NCKAP5: variants seen among roughly 807,000 people sequenced by gnomAD.
NCKAP5 encodes NCK associated protein 5, also known as nck-associated protein 5.
NCKAP5 carries 92 observed loss-of-function variants against 167.0 expected under a neutral mutation model. The observed-to-expected ratio is 0.55, with a 90% confidence interval of 0.47 to 0.66. The LOEUF (loss-of-function observed/expected upper bound fraction) is 0.66. Among genes scored for constraint, NCKAP5 ranks in the 30% least tolerant of loss-of-function variants. The pLI, the probability that NCKAP5 is intolerant of heterozygous loss-of-function variation, is 0.00. For synonymous variants in NCKAP5, 891 were observed against 877.4 expected (o/e 1.02, Z -0.27); for missense variants, 2,378 against 2,315.0 (o/e 1.03, Z -0.56).
At chr2:133,407,083 T>C (rs538021454) in intron 3 of NCKAP5, among the ~76,000 whole-genome samples, 2 of 152,206 alleles carry the variant, frequency 1.3e-5, no homozygotes, top group South Asian at 2.1e-4. Flanking sequence ...ACCTCATACA[T>C]GAGCCTCTTG....
intron 6 of NCKAP5, among the ~76,000 whole-genome samples, chr2:133,014,582 T>A (rs996654121): frequency 6.6e-6 from 1 of 152,220 alleles, no homozygotes; most frequent in African/African-American, 2.4e-5. Context: ...ATTTTTTGGT[T>A]TATCAAACTT....
At chr2:133,616,714 A>T in the NCKAP5 span, among the ~76,000 whole-genome samples, 2 of 152,032 alleles carry the variant, frequency 1.3e-5, no homozygotes, top group Middle Eastern at 3.2e-3. Flanking sequence ...GCTGAATTCT[A>T]CCAGAGGTAC....
chr2:132,701,399 C>T (rs1293728358), intron 19 of NCKAP5, among the ~76,000 whole-genome samples: 1 of 152,136 alleles, frequency 6.6e-6, no homozygotes, highest in Non-Finnish European at 1.5e-5. Flanking sequence ...AAAAAGTTTG[C>T]AAACATCTAA....
At chr2:133,271,984 T>C (rs2089532777) in intron 4 of NCKAP5, among the ~76,000 whole-genome samples, 1 of 152,158 alleles carries the variant, frequency 6.6e-6, no homozygotes, top group Non-Finnish European at 1.5e-5. Flanking sequence ...TTTATTATTC[T>C]GGTCTTTTAA....
chr2:133,140,692 G>A (rs1369207836), intron 5 of NCKAP5, among the ~76,000 whole-genome samples: 2 of 151,026 alleles, frequency 1.3e-5, no homozygotes, highest in East Asian at 3.9e-4. Context: ...TAATGCCACA[G>A]TCTTTGCTGT....
intron 11 of NCKAP5, among the ~76,000 whole-genome samples, 173 bp from the exon 12 acceptor site, chr2:132,796,902 C>T (rs4143563): frequency 0.19 from 28,258 of 152,030 alleles, 3,065 homozygotes; most frequent in East Asian, 0.3. Flanking sequence ...TGTATATGTA[C>T]GTGTATGTGC....
intron 2 of NCKAP5, among the ~76,000 whole-genome samples, chr2:133,558,384 G>A (rs533315911): frequency 6.6e-6 from 1 of 152,132 alleles, no homozygotes; most frequent in South Asian, 2.1e-4. Flanking sequence ...GAAAATAGGA[G>A]AGGTGAGATG....
At chr2:132,952,341 A>G (rs2076213146) in intron 8 of NCKAP5, among the ~76,000 whole-genome samples, 1 of 152,154 alleles carries the variant, frequency 6.6e-6, no homozygotes, top group South Asian at 2.1e-4. Flanking sequence ...CATGCAAAGT[A>G]ACATATTTAT....
At chr2:132,876,113 T>G (rs1219357990) in intron 9 of NCKAP5, among the ~76,000 whole-genome samples, 1 of 152,172 alleles carries the variant, frequency 6.6e-6, no homozygotes, top group Admixed American at 6.5e-5. Flanking sequence ...GAGATGAGGT[T>G]TCACTCTTTC....
chr2:133,297,207 G>GTGTGTA (rs1553610670), intron 4 of NCKAP5, among the ~76,000 whole-genome samples: 1 of 147,974 alleles, frequency 6.8e-6, no homozygotes, highest in African/African-American at 2.5e-5. Flanking sequence ...GTGTGTGTGT[G>GTGTGTA]TGTTTTAAAT....
chr2:133,130,087 C>T lies in NCKAP5; in HGVS notation c.232G>A (p.Glu78Lys), dbSNP rs776036230. 4 of 1,611,016 alleles carry T rather than the reference C, an allele frequency of 2.5e-6. No homozygotes were observed. The highest frequency in any genetic ancestry group is 2.5e-6 in the Non-Finnish European group (3 of 1,179,002). The stretch of plus-strand genomic sequence containing the variant: ...TGAAGACGTAAGTGTCTCTCCTCTT[C>T]CAGTTCATGTATCAGCTTCTCATGC... ...AMHEKLIHELEEERHLRLQSE... is the reference protein window; with the variant it reads ...AMHEKLIHELKEERHLRLQSE... The change falls in exon 6 of 20, where the codon GAA becomes AAA. Residue 78 changes from glutamate to lysine, a missense_variant. By Grantham distance (56) the Glu-to-Lys change is moderately conservative (BLOSUM62 1). Transcript: ENST00000409261.
intron 3 of NCKAP5, among the ~76,000 whole-genome samples, chr2:133,483,776 G>A (rs566735606): frequency 4.6e-5 from 7 of 152,192 alleles, no homozygotes; most frequent in South Asian, 2.1e-4. Flanking sequence ...CATTAGAATC[G>A]CTCAGGGGAC....
At chr2:133,446,579 G>A (rs1207301222) in intron 3 of NCKAP5, among the ~76,000 whole-genome samples, 2 of 152,240 alleles carry the variant, frequency 1.3e-5, no homozygotes, top group East Asian at 1.9e-4. Context: ...AGACCAGGCC[G>A]CCTGGTCCCA....
intron 1 of NCKAP5, among the ~76,000 whole-genome samples, chr2:133,565,079 C>T (rs1315773200): frequency 6.6e-6 from 1 of 152,160 alleles, no homozygotes; most frequent in Non-Finnish European, 1.5e-5. Context: ...ACAGGAGGTG[C>T]ATGCAAGATA....
Position 132,988,460 on chromosome 2 carries a change from CAAAAAA to C in NCKAP5, c.429+5686_429+5691del, listed in dbSNP as rs57024269. 7.7e-3 allele frequency among the ~76,000 whole-genome samples: 541 copies of C among 70,628 alleles called. 3 individuals carry two copies. The highest frequency in any genetic ancestry group is 0.024 in the African/African-American group (479 of 19,942). 46.3% of individuals were successfully genotyped at this position (70,628 alleles called of 152,430 possible). A position where few individuals can be genotyped will look rare whatever the true frequency, so the allele number is the denominator to read the frequency against. ...GTGGCTACAGAGCAAGACTTTGCCT[CAAAAAA>C]AAAAAAAAAAAAAAAAAGCCATCAC... On this transcript the variant is annotated intron_variant, in intron 7 of 19. Coordinates refer to ENST00000409261, the MANE Select transcript of NCKAP5 (RefSeq NM_207363.3).
At chr2:133,246,745 T>A (rs2088017229) in intron 4 of NCKAP5, among the ~76,000 whole-genome samples, 2 of 152,230 alleles carry the variant, frequency 1.3e-5, no homozygotes, top group South Asian at 2.1e-4. Context: ...CTGAACAATA[T>A]TCTTCCAGAA....
At chr2:133,285,893 T>A (rs1679083771) in intron 4 of NCKAP5, among the ~76,000 whole-genome samples, 1 of 152,226 alleles carries the variant, frequency 6.6e-6, no homozygotes, top group South Asian at 2.1e-4. Flanking sequence ...ATTTAACTGA[T>A]GAGCTGAAAC....
At chr2:133,646,740 T>C in the NCKAP5 span, among the ~76,000 whole-genome samples, 1 of 152,170 alleles carries the variant, frequency 6.6e-6, no homozygotes. Context: ...CTTTTAATTC[T>C]AGCATGAAAG....
chr2:132,772,596 C>T (rs1239348893), intron 16 of NCKAP5, among the ~76,000 whole-genome samples: 5 of 152,116 alleles, frequency 3.3e-5, no homozygotes, highest in East Asian at 3.9e-4. Context: ...ATATTTAACT[C>T]GAATATTAGC....
Sources: allele counts gnomAD v4.1 joint callset (sites outside exome capture counted in the v4.1 genomes callset), GRCh38; gene constraint gnomAD v4.1.1; transcripts MANE v1.5; gene names NCBI Gene and HGNC (gene_info 2026-07-23, HGNC 2026-07-21).